ANKRD36C: variants seen among roughly 807,000 people sequenced by gnomAD.
The protein encoded by ANKRD36C is ankyrin repeat domain-containing protein 36C.
A neutral mutation model predicts 276.4 loss-of-function variants in ANKRD36C; 61 were observed. That is an observed-to-expected ratio of 0.22 (90% CI 0.18 to 0.27). The LOEUF is 0.27. ANKRD36C is among the 10% of genes least tolerant of loss of function. ANKRD36C has a pLI of 1.00. For synonymous variants in ANKRD36C, 483 were observed against 680.1 expected (o/e 0.71, Z 4.51); for missense variants, 1,447 against 2,032.3 (o/e 0.71, Z 5.54).
At chr2:95,892,364 A>T (rs2104353702) in intron 44 of ANKRD36C, among the ~76,000 whole-genome samples, 1 of 151,608 alleles carries the variant, frequency 6.6e-6, no homozygotes, top group South Asian at 2.1e-4. Context: ...ACATCTCTTC[A>T]GTGGAAGTGT....
At chr2:95,972,331 AC>A (rs1678716800) in intron 6 of ANKRD36C, among the ~76,000 whole-genome samples, 1 of 152,202 alleles carries the variant, frequency 6.6e-6, no homozygotes, top group Admixed American at 6.5e-5. Context: ...TTCCATAAGA[AC>A]CTGGGATACT....
chr2:95,888,117 G>A (rs746440033), exon 49 of ANKRD36C: 1 of 1,608,762 alleles, frequency 6.2e-7, no homozygotes, highest in Non-Finnish European at 8.5e-7. Flanking sequence ...TTTCTGAGAA[G>A]ACACTGAAAA....
At chr2:95,891,157 C>T (rs1372148536) in intron 46 of ANKRD36C, among the ~76,000 whole-genome samples, 1 of 151,270 alleles carries the variant, frequency 6.6e-6, no homozygotes, top group African/African-American at 2.4e-5. Flanking sequence ...CAGCAGAAAC[C>T]CCAAAATTAT....
At position 95,894,979 on chromosome 2, in the gene ANKRD36C, T is replaced by C. The variant is rs1676494104; in HGVS notation, c.2756-3119A>G. Among the ~76,000 whole-genome samples the C allele has an allele frequency of 2.0e-5, 3 of 148,584 alleles. 1 individual carries two copies. In the South Asian group the frequency reaches 6.5e-4, roughly 32 times the overall value. On this transcript the variant is annotated intron_variant, in intron 44 of 66. Coordinates refer to ENST00000456556, the Ensembl canonical transcript of ANKRD36C. ...CGGAAAATAATTGCTACATCAGGGG[T>C]CTCCTCAGTTCTCCTTCTACAGTGT...
chr2:95,922,034 C>T (rs554071358), intron 32 of ANKRD36C, among the ~76,000 whole-genome samples: 84 of 151,586 alleles, frequency 5.5e-4, no homozygotes, highest in African/African-American at 1.9e-3. Context: ...TATGATTTCT[C>T]GTATATCTAA....
intron 56 of ANKRD36C, among the ~76,000 whole-genome samples, chr2:95,881,239 T>A (rs1452985589): frequency 3.9e-5 from 6 of 152,080 alleles, no homozygotes; most frequent in Non-Finnish European, 8.8e-5. Context: ...ATTTCTTATA[T>A]CCTCTAGTTT....
chr2:95,908,882 C>T (rs1238796028), intron 42 of ANKRD36C, among the ~76,000 whole-genome samples, 185 bp from the exon 47 acceptor site: 1 of 151,198 alleles, frequency 6.6e-6, no homozygotes, highest in Admixed American at 6.6e-5. Flanking sequence ...AATACAGGCT[C>T]CACGAAATAT....
At chr2:95,913,564 G>T (rs1217226350) in intron 40 of ANKRD36C, among the ~76,000 whole-genome samples, 1 of 151,320 alleles carries the variant, frequency 6.6e-6, no homozygotes, top group East Asian at 2.0e-4. Context: ...TATTCCAAAT[G>T]CATCTGAAGT....
chr2:95,936,470 T>C (rs2104453079), intron 22 of ANKRD36C, among the ~76,000 whole-genome samples: 1 of 152,394 alleles, frequency 6.6e-6, no homozygotes, highest in East Asian at 1.9e-4. Flanking sequence ...CCTGTCCTAT[T>C]GTTGCTGTGT....
intron 56 of ANKRD36C, among the ~76,000 whole-genome samples, chr2:95,881,717 C>A (rs1283612250): frequency 6.6e-6 from 1 of 151,806 alleles, no homozygotes; most frequent in African/African-American, 2.4e-5. Context: ...ATCAGATGAT[C>A]CGGTATGCAA....
chr2:95,924,620 T>G (rs535606255), intron 30 of ANKRD36C, among the ~76,000 whole-genome samples: 1 of 151,670 alleles, frequency 6.6e-6, no homozygotes, highest in African/African-American at 2.4e-5. Flanking sequence ...AAAGCTAATA[T>G]AGTCGTATTA....
intron 38 of ANKRD36C, among the ~76,000 whole-genome samples, chr2:95,914,923 C>T (rs932964021): frequency 3.3e-5 from 5 of 151,516 alleles, no homozygotes; most frequent in African/African-American, 1.2e-4. Context: ...TTCTTTCATC[C>T]ACTAGTTTAG....
At chr2:95,967,207 C>T (rs1225720271) in intron 6 of ANKRD36C, among the ~76,000 whole-genome samples, 1 of 152,092 alleles carries the variant, frequency 6.6e-6, no homozygotes, top group Non-Finnish European at 1.5e-5. Context: ...AGTGAAGAGG[C>T]AACCTACAGA....
intron 3 of ANKRD36C, 97 bp from the exon 4 acceptor site, chr2:95,982,459 A>T: frequency 9.4e-7 from 1 of 1,066,446 alleles, no homozygotes; most frequent in Non-Finnish European, 1.4e-6. Context: ...CAATATATAC[A>T]ATTGAAAGGT....
At chr2:95,910,311 G>T (rs1676874758) in intron 42 of ANKRD36C, 62 bp downstream of exon 46, 3 of 1,476,370 alleles carry the variant, frequency 2.0e-6, no homozygotes, top group African/African-American at 1.4e-5. Flanking sequence ...TGCTTTATTT[G>T]GAGAAGAGAA....
At chr2:95,966,560 C>T (rs978324924) in intron 6 of ANKRD36C, among the ~76,000 whole-genome samples, 1 of 152,160 alleles carries the variant, frequency 6.6e-6, no homozygotes, top group Non-Finnish European at 1.5e-5. Flanking sequence ...GTTTTCATTA[C>T]TGTAGCCTTG....
intron 60 of ANKRD36C, among the ~76,000 whole-genome samples, chr2:95,864,295 T>A (rs1675642112): frequency 6.6e-6 from 1 of 151,886 alleles, no homozygotes; most frequent in Non-Finnish European, 1.5e-5. Context: ...CAAAACAAAC[T>A]GAAAGAGAAG....
chr2:95,923,750 T>C (rs1278969986), intron 30 of ANKRD36C, 61 bp from the exon 31 acceptor site: 1 of 1,594,614 alleles, frequency 6.3e-7, no homozygotes, highest in East Asian at 2.3e-5. Context: ...TATCTATACA[T>C]TCATGAAGTG....
intron 3 of ANKRD36C, among the ~76,000 whole-genome samples, chr2:95,985,073 C>T (rs1214295634): frequency 6.6e-6 from 1 of 152,140 alleles, no homozygotes; most frequent in Non-Finnish European, 1.5e-5. Context: ...TTGACCTAAT[C>T]ACCAGAATGA....
Sources: gnomAD v4.1 joint callset for allele counts (sites outside exome capture counted in the v4.1 genomes callset) on GRCh38, gnomAD v4.1.1 for gene constraint, MANE v1.5 for transcripts, NCBI Gene and HGNC (gene_info 2026-07-23, HGNC 2026-07-21) for gene names.